TGFBR2: variants seen among roughly 807,000 people sequenced by gnomAD.
TGFBR2 encodes transforming growth factor beta receptor 2.
A neutral mutation model predicts 49.0 loss-of-function variants in TGFBR2; 18 were observed. That is an observed-to-expected ratio of 0.37 (90% confidence interval 0.25 to 0.54). The LOEUF is 0.54. Among genes scored for constraint, TGFBR2 ranks in the 20% least tolerant of loss-of-function variants. TGFBR2 has a pLI of 0.85. For synonymous variants in TGFBR2, 282 were observed against 275.9 expected (o/e 1.02, Z -0.22); for missense variants, 525 against 722.6 (o/e 0.73, Z 3.13).
At chr3:30,640,505 C>T (rs1252292699) in intron 1 of TGFBR2, among the ~76,000 whole-genome samples, 2 of 152,184 alleles carry the variant, frequency 1.3e-5, no homozygotes, top group East Asian at 1.9e-4. Context: ...AACCTACACA[C>T]ATCCTCCCAT....
intron 3 of TGFBR2, among the ~76,000 whole-genome samples, chr3:30,662,381 GGA>G (rs1300988211): frequency 6.6e-6 from 1 of 152,156 alleles, no homozygotes; most frequent in Non-Finnish European, 1.5e-5. Flanking sequence ...TTTCCATCTG[GGA>G]GAGAGATAAG....
In TGFBR2 at chr3:30,672,219, G is replaced by GCT. The variant is rs1699355126; in HGVS notation, c.1036_1037insCT (p.Asp346AlafsTer43). ...GACGCGGCATGTCATCAGCTGGGAG[G>GCT]ACCTGCGCAAGCTGGGCAGCTCCCT... is the stretch of plus-strand genomic sequence containing the variant. On this transcript the variant is annotated frameshift_variant, in exon 4 of 7. Coordinates refer to ENST00000295754, the MANE Select transcript of TGFBR2 (RefSeq NM_003242.6). LOFTEE classifies it high-confidence loss of function. The surrounding 1 kb of genome is among the most constrained non-coding windows in gnomAD (Gnocchi z 4.5). The GCT allele has an allele frequency of 6.2e-7, 1 of 1,609,886 alleles. No individual in the cohort carries two copies. Among genetic ancestry groups the GCT allele is most frequent in the Non-Finnish European group, 8.5e-7 (1 of 1,176,692 alleles).
intron 3 of TGFBR2, among the ~76,000 whole-genome samples, chr3:30,657,247 C>T (rs9838497): frequency 6.6e-6 from 1 of 152,200 alleles, no homozygotes; most frequent in African/African-American, 2.4e-5. Context: ...CCATGGGAGG[C>T]TGCACAACTT....
At chr3:30,663,184 CTG>C (rs139503158) in intron 3 of TGFBR2, among the ~76,000 whole-genome samples, 64 of 151,164 alleles carry the variant, frequency 4.2e-4, no homozygotes, top group Admixed American at 1.4e-3. Context: ...CACTCTCTTT[CTG>C]TGTGTGTGTG....
chr3:30,675,951 A>G (rs188607527), intron 5 of TGFBR2, among the ~76,000 whole-genome samples: 47 of 152,286 alleles, frequency 3.1e-4, no homozygotes, highest in African/African-American at 1.1e-3. Flanking sequence ...TCTAATGTGC[A>G]TGCCTCCTTA....
intron 1 of TGFBR2, among the ~76,000 whole-genome samples, chr3:30,612,167 A>G (rs1294759121): frequency 6.6e-6 from 1 of 152,218 alleles, no homozygotes; most frequent in Non-Finnish European, 1.5e-5. Flanking sequence ...AAGACAATTA[A>G]CATTTGAGAA....
chr3:30,619,741 C>T (rs1211202175), intron 1 of TGFBR2, among the ~76,000 whole-genome samples: 1 of 152,136 alleles, frequency 6.6e-6, no homozygotes, highest in South Asian at 2.1e-4. Flanking sequence ...TGAAATAACG[C>T]CTGGTCTAAA....
rs1460573343 is a variant in TGFBR2 at position 30,694,092 on chromosome 3, A to G, written c.*2493A>G. On this transcript the variant is annotated 3_prime_UTR_variant, in exon 7 of 7. Coordinates refer to ENST00000295754, the MANE Select transcript of TGFBR2 (RefSeq NM_003242.6). ...AAATGTTTATTAGATTGAATAAAGC[A>G]AAATACTCAGGTGAGCATCCTGCCT... is the stretch of plus-strand genomic sequence containing the variant. 7 of 229,806 alleles carry G rather than the reference A, an allele frequency of 3.0e-5. No homozygotes were observed. The highest frequency in any genetic ancestry group is 5.7e-5 in the Admixed American group (1 of 17,644). The allele number at this position is 229,806 out of a possible 1,614,324, so 14.2% of individuals were successfully genotyped here. A position where few individuals can be genotyped will look rare whatever the true frequency, so the allele number is the denominator to read the frequency against.
At chr3:30,619,785 C>G (rs746694066) in intron 1 of TGFBR2, among the ~76,000 whole-genome samples, 1 of 152,176 alleles carries the variant, frequency 6.6e-6, no homozygotes, top group Non-Finnish European at 1.5e-5. Context: ...CCTTGATTAT[C>G]CATCCCACTG....
intron 3 of TGFBR2, among the ~76,000 whole-genome samples, chr3:30,652,998 G>C (rs1212964442): frequency 2.6e-5 from 4 of 152,114 alleles, no homozygotes; most frequent in Non-Finnish European, 5.9e-5. Flanking sequence ...TATGAAGTGA[G>C]ATAATAAGCA....
rs981342463 is a variant in TGFBR2 at position 30,674,873 on chromosome 3, G to GT, written c.1396+637dup. ...TTATCCCCAAGTTCAGCCACCTACT[G>GT]TTTTTTTTTTCTTTTAGGATCATTT... On this transcript the variant is annotated intron_variant, in intron 5 of 6. Coordinates refer to ENST00000295754, the MANE Select transcript of TGFBR2 (RefSeq NM_003242.6). Among the ~76,000 whole-genome samples the GT allele has an allele frequency of 3.6e-3, 542 of 148,694 alleles. 4 individuals are homozygous for GT. Among genetic ancestry groups the GT allele is most frequent in the African/African-American group, 0.012 (493 of 40,578 alleles).
intron 3 of TGFBR2, among the ~76,000 whole-genome samples, chr3:30,669,503 G>A (rs187662046): frequency 3.7e-4 from 57 of 152,240 alleles, no homozygotes; most frequent in African/African-American, 1.4e-3. Flanking sequence ...TTATAGTCCC[G>A]TTTGAAGAGG....
intron 6 of TGFBR2, among the ~76,000 whole-genome samples, chr3:30,689,050 TC>T (rs1699669342): frequency 6.6e-6 from 1 of 152,096 alleles, no homozygotes; most frequent in South Asian, 2.1e-4. Context: ...GGAGACCGAC[TC>T]CTCACTCTGG....
rs565615402 is a variant in TGFBR2, at chr3:30,606,658, G to T, written c.-226G>T. The T allele has an allele frequency of 5.4e-6, 2 of 373,320 alleles. No homozygotes were observed. The highest frequency in any genetic ancestry group is 7.4e-5 in the East Asian group (2 of 26,852). 23.1% of individuals were successfully genotyped at this position (373,320 alleles called of 1,614,324 possible). On this transcript the variant is annotated 5_prime_UTR_variant, in exon 1 of 7. Coordinates refer to ENST00000295754, the MANE Select transcript of TGFBR2 (RefSeq NM_003242.6). ...CGTGCACCCGCTCGGGACAGGAGCC[G>T]GACTCCTGTGCAGCTTCCCTCGGCC...
At chr3:30,680,791 G>C (rs1486424923) in intron 5 of TGFBR2, among the ~76,000 whole-genome samples, 1 of 152,166 alleles carries the variant, frequency 6.6e-6, no homozygotes, top group African/African-American at 2.4e-5. Flanking sequence ...AGGAGAAAAA[G>C]CTTCATGAAA....
chr3:30,671,496 C>G (rs1699335977), intron 3 of TGFBR2, 142 bp from the exon 4 acceptor site: 1 of 854,912 alleles, frequency 1.2e-6, no homozygotes, highest in African/African-American at 1.7e-5. Context: ...ACTTGCATCC[C>G]TGAAATAAAA....
At chr3:30,607,864 TAATA>T (rs949507239) in intron 1 of TGFBR2, among the ~76,000 whole-genome samples, 4 of 142,928 alleles carry the variant, frequency 2.8e-5, no homozygotes, top group African/African-American at 1.1e-4. Flanking sequence ...TATATAATAT[TAATA>T]TATATATGCA....
rs369450067 is a variant in TGFBR2, at chr3:30,672,226, G to A, written c.1043G>A (p.Arg348His). ...TRHVISWEDLRKLGSSLARGI... is the reference protein window; with the variant it reads ...TRHVISWEDLHKLGSSLARGI... ...CATGTCATCAGCTGGGAGGACCTGC[G>A]CAAGCTGGGCAGCTCCCTCGCCCGG... Residue 348 changes from arginine (R) to histidine (H), a missense_variant, in exon 4 of 7, where the codon CGC becomes CAC. By Grantham distance (29) the Arg-to-His change is conservative (BLOSUM62 0). Transcript: ENST00000295754. This position sits in a 1 kb window ranked among gnomAD's most constrained non-coding sequence, Gnocchi z 4.5. 2.0e-5 allele frequency: 32 copies of A among 1,608,408 alleles called. No homozygotes were observed. Among genetic ancestry groups the A allele is most frequent in the Admixed American group, 5.0e-5 (3 of 59,902 alleles).
At chr3:30,661,583 C>G in intron 3 of TGFBR2, 1 of 516,310 alleles carries the variant, frequency 1.9e-6, no homozygotes, top group South Asian at 1.4e-5. Context: ...CAAAGGAGCA[C>G]TTGTCAAAAC....
Sources: allele counts gnomAD v4.1 joint callset (sites outside exome capture counted in the v4.1 genomes callset), GRCh38; gene constraint gnomAD v4.1.1; non-coding constraint Gnocchi (gnomAD v3.1); transcripts MANE v1.5; gene names NCBI Gene and HGNC (gene_info 2026-07-23, HGNC 2026-07-21).